Variants in SULF2 observed in about 807,000 individuals in gnomAD.
The protein encoded by SULF2 is sulfatase 2.
In SULF2, 52 loss-of-function variants were observed where a neutral mutation model predicts 107.7. The ratio of observed to expected loss-of-function variants is 0.48; its 90% CI spans 0.39 to 0.61. The LOEUF (loss-of-function observed/expected upper bound fraction) is 0.61, where lower values mean the gene tolerates loss of function less well. SULF2 is among the 20% of genes least tolerant of loss of function. The probability of loss-of-function intolerance (pLI) is 0.00; values close to 1 mark genes in which losing one functional copy is unlikely to be tolerated. For synonymous variants in SULF2, 460 were observed against 464.3 expected, an observed-to-expected ratio of 0.99 and a Z score of 0.12; for missense variants, 993 against 1,177.3, an observed-to-expected ratio of 0.84 and a Z score of 2.29.
chr20:47,736,598 G>A, intron 3 of SULF2, 105 bp downstream of exon 3: 1 of 1,441,952 alleles, frequency 6.9e-7, no homozygotes, highest in South Asian at 1.3e-5. Context: ...TGCTCTAGGG[G>A]CTATCCAGAA....
rs1378387826 is a variant in SULF2, at chr20:47,682,061, C to CA, written c.1064+932dup. ...CCATACGTGTGGACTGTCGTTATTA[C>CA]AGCTCTTAGTCCAATGGGGACGCTA... On this transcript the variant is annotated intron_variant, in intron 7 of 20. Coordinates refer to ENST00000688720, the MANE Select transcript of SULF2 (RefSeq NM_001387048.1). 2.6e-5 allele frequency among the ~76,000 whole-genome samples: 4 copies of CA among 152,150 alleles called. No homozygotes were observed. The East Asian group carries it at 7.7e-4, about 29-fold the overall frequency.
rs1252349788 is a variant in SULF2, at chr20:47,768,988, C to T, written c.-100-11525G>A. On this transcript the variant is annotated intron_variant, in intron 1 of 20. Transcript: ENST00000688720. ...CTCCACCTCCCAGGTTCAAGTGATT[C>T]TCCTGCCTCAGCCTCCTGAGTAGCT... 8.0e-5 allele frequency among the ~76,000 whole-genome samples: 12 copies of T among 149,096 alleles called. No individual in the cohort carries two copies. In the South Asian group the frequency reaches 1.9e-3, roughly 24 times the overall value.
At chr20:47,782,571 C>T (rs984410520) in intron 1 of SULF2, among the ~76,000 whole-genome samples, 6 of 152,164 alleles carry the variant, frequency 3.9e-5, no homozygotes, top group African/African-American at 1.2e-4. Context: ...GCCAGGCCAT[C>T]GAGACTCCAT....
intron 7 of SULF2, among the ~76,000 whole-genome samples, chr20:47,681,462 T>A (rs2087820447): frequency 6.6e-6 from 1 of 152,100 alleles, no homozygotes; most frequent in African/African-American, 2.4e-5. Context: ...AATGTCAGTG[T>A]TTGTAGAGCC....
At chr20:47,754,739 C>T (rs796565016) in intron 2 of SULF2, among the ~76,000 whole-genome samples, 7 of 152,240 alleles carry the variant, frequency 4.6e-5, no homozygotes, top group East Asian at 1.9e-4. Context: ...AACTAACAAA[C>T]GCACACGCTA....
intron 1 of SULF2, among the ~76,000 whole-genome samples, chr20:47,781,838 G>A (rs988892877): frequency 6.6e-6 from 1 of 151,970 alleles, no homozygotes; most frequent in African/African-American, 2.4e-5. Flanking sequence ...TCCTAGCCAC[G>A]GTGCCCACAG....
At chr20:47,673,606 A>T (rs2087547641) in intron 10 of SULF2, among the ~76,000 whole-genome samples, 1 of 151,966 alleles carries the variant, frequency 6.6e-6, no homozygotes, top group African/African-American at 2.4e-5. Flanking sequence ...CTGGAGGCTG[A>T]ATCTAATTGC....
At chr20:47,715,907 C>T (rs754034534) in intron 3 of SULF2, among the ~76,000 whole-genome samples, 3 of 152,268 alleles carry the variant, frequency 2.0e-5, no homozygotes, top group East Asian at 1.9e-4. Context: ...TTTTATCATC[C>T]GGTGCACACC....
chr20:47,777,160 A>G (rs528857570), intron 1 of SULF2, among the ~76,000 whole-genome samples: 15 of 152,330 alleles, frequency 9.8e-5, no homozygotes, highest in African/African-American at 3.4e-4. Flanking sequence ...GTTATAAAAC[A>G]TAAAACAGGT....
At chr20:47,665,603 G>A (rs1015221207) in intron 13 of SULF2, among the ~76,000 whole-genome samples, 7 of 152,246 alleles carry the variant, frequency 4.6e-5, no homozygotes, top group African/African-American at 1.7e-4. Context: ...AAGGCCTCCT[G>A]TAGCGTAGAC....
chr20:47,714,004 C>T (rs1195286322), intron 3 of SULF2, among the ~76,000 whole-genome samples: 1 of 152,058 alleles, frequency 6.6e-6, no homozygotes, highest in African/African-American at 2.4e-5. Flanking sequence ...ACACATCTAT[C>T]AGCAGAGATG....
At chr20:47,695,395 T>C (rs1305976440) in intron 4 of SULF2, among the ~76,000 whole-genome samples, 2 of 152,220 alleles carry the variant, frequency 1.3e-5, no homozygotes, top group East Asian at 1.9e-4. Flanking sequence ...AACTGTTTCA[T>C]CTTGCATAAC....
chr20:47,662,912 AACCCC>A (rs1301212225), intron 17 of SULF2, among the ~76,000 whole-genome samples, 153 bp downstream of exon 17: 1 of 152,144 alleles, frequency 6.6e-6, no homozygotes, highest in Non-Finnish European at 1.5e-5. Context: ...TTGAACACAG[AACCCC>A]CAATCTCAGC....
intron 2 of SULF2, among the ~76,000 whole-genome samples, chr20:47,746,997 ATATAT>A (rs1568895602): frequency 2.7e-5 from 3 of 112,870 alleles, no homozygotes; most frequent in Admixed American, 8.6e-5. Flanking sequence ...AAAAAAAAAT[ATATAT>A]ATATATATAT....
intron 3 of SULF2, among the ~76,000 whole-genome samples, chr20:47,709,909 T>A (rs1353503240): frequency 2.0e-5 from 3 of 151,402 alleles, no homozygotes; most frequent in Non-Finnish European, 4.4e-5. Context: ...CCACTTTTTT[T>A]TTTTTTTTTT....
rs761943354 is a variant in SULF2, at chr20:47,663,976, T to C, written c.2057+154A>G. On this transcript the variant is annotated intron_variant, in intron 15 of 20. Transcript: ENST00000688720. ...GGGGCGTCGGAGGCCCGCTCAGTGT[T>C]GATTGGGAAGTAAGGCCTCTTCGAG... Among the ~76,000 whole-genome samples, 4 of 152,240 alleles carry C rather than the reference T, an allele frequency of 2.6e-5. No homozygotes were observed. The East Asian group carries it at 7.7e-4, about 29-fold the overall frequency.
At chr20:47,714,444 C>A (rs746099576) in intron 3 of SULF2, among the ~76,000 whole-genome samples, 1 of 152,176 alleles carries the variant, frequency 6.6e-6, no homozygotes, top group South Asian at 2.1e-4. Context: ...CAGCTTCACC[C>A]TCAGGACACA....
Position 47,663,508 on chromosome 20 carries a change from G to A in SULF2, c.2172C>T (p.Gly724=), listed in dbSNP as rs150627838. The A allele has an allele frequency of 1.2e-6, 2 of 1,612,198 alleles. No individual in the cohort carries two copies. Among genetic ancestry groups the A allele is most frequent in the African/African-American group, 1.3e-5 (1 of 74,924 alleles). Residue 724 remains glycine (G), a synonymous_variant, in exon 16 of 21, where the codon GGC becomes GGT. Transcript: ENST00000688720. The part of the protein sequence containing the change: ...LQNNDTCSMP[G]LTCFTHDNQH... ...GGTTGTCGTGGGTGAAGCACGTGAG[G>A]CCTGGCATGCTGCACGTGTCGTTGT... is the stretch of plus-strand genomic sequence containing the variant.
In SULF2 at chr20:47,657,761, A is replaced by G. The variant is rs1299497055; in HGVS notation, c.*601T>C. ...GGTTCCCCTAAAAGTTCCCATGTTG[A>G]TTACATGTAAATAGTCACATATATA... On this transcript the variant is annotated 3_prime_UTR_variant, in exon 21 of 21. Coordinates refer to ENST00000688720, the MANE Select transcript of SULF2 (RefSeq NM_001387048.1). 1 of 152,292 alleles carries G rather than the reference A, an allele frequency of 6.6e-6. No homozygotes were observed. Among genetic ancestry groups the G allele is most frequent in the Non-Finnish European group, 1.5e-5 (1 of 68,108 alleles). The allele number at this position is 152,292 out of a possible 1,614,324, so 9.4% of individuals were successfully genotyped here.
Sources: allele counts gnomAD v4.1 joint callset (sites outside exome capture counted in the v4.1 genomes callset), GRCh38; gene constraint gnomAD v4.1.1; transcripts MANE v1.5; gene names NCBI Gene and HGNC (gene_info 2026-07-23, HGNC 2026-07-21).